The following EXOC6 variants were observed in gnomAD, a reference collection of about 807,000 sequenced individuals.
The protein encoded by EXOC6 is exocyst complex component 6.
In EXOC6, 60 loss-of-function variants were observed where a neutral mutation model predicts 112.5. The observed-to-expected ratio is 0.53, with a 90% CI of 0.43 to 0.66. EXOC6 has a LOEUF of 0.66. EXOC6 is among the 30% of genes least tolerant of loss of function. The pLI, the probability that EXOC6 is intolerant of heterozygous loss-of-function variation, is 0.00. For missense variants in EXOC6, 855 were observed against 957.1 expected, an observed-to-expected ratio of 0.89 and a Z score of 1.41; for synonymous variants, 295 against 308.0, an observed-to-expected ratio of 0.96 and a Z score of 0.44.
intron 1 of EXOC6, among the ~76,000 whole-genome samples, chr10:92,856,217 T>A (rs1365014538): frequency 2.0e-5 from 3 of 151,892 alleles, no homozygotes; most frequent in African/African-American, 7.3e-5. Context: ...ATTACTTTCT[T>A]TCTTCTGCTT....
At chr10:92,873,528 T>G (rs146098979) in intron 1 of EXOC6, among the ~76,000 whole-genome samples, 460 of 152,160 alleles carry the variant, frequency 3.0e-3, no homozygotes, top group African/African-American at 0.01. Context: ...TATAATCCTT[T>G]AAGATATGAA....
At chr10:92,858,851 C>T (rs923552329) in intron 1 of EXOC6, among the ~76,000 whole-genome samples, 3 of 152,092 alleles carry the variant, frequency 2.0e-5, no homozygotes, top group Admixed American at 1.3e-4. Context: ...CTGCAACCTC[C>T]GCTGCCCAGG....
chr10:92,981,526 T>C (rs1842825260), intron 18 of EXOC6, among the ~76,000 whole-genome samples: 1 of 152,254 alleles, frequency 6.6e-6, no homozygotes, highest in African/African-American at 2.4e-5. Context: ...ATATTTATAC[T>C]AACACATGGT....
At chr10:92,914,563 C>T (rs1050078181) in intron 6 of EXOC6, among the ~76,000 whole-genome samples, 1 of 152,110 alleles carries the variant, frequency 6.6e-6, no homozygotes, top group Non-Finnish European at 1.5e-5. Flanking sequence ...TGATTTTATA[C>T]TCTGAGGACA....
chr10:93,006,379 A>G (rs1843983152), intron 19 of EXOC6, among the ~76,000 whole-genome samples: 1 of 152,090 alleles, frequency 6.6e-6, no homozygotes, highest in Non-Finnish European at 1.5e-5. Flanking sequence ...GGATACCTGA[A>G]TTTGTTCCTG....
At chr10:92,872,089 T>C (rs2133727234) in intron 1 of EXOC6, among the ~76,000 whole-genome samples, 1 of 152,230 alleles carries the variant, frequency 6.6e-6, no homozygotes, top group East Asian at 1.9e-4. Flanking sequence ...ATTCTTTTCC[T>C]AGCTTTTTGC....
chr10:92,919,859 G>A (rs1851326941), intron 7 of EXOC6, 123 bp from the exon 8 acceptor site: 3 of 558,478 alleles, frequency 5.4e-6, no homozygotes, highest in Non-Finnish European at 9.1e-6. Flanking sequence ...TTTCTATGGG[G>A]GAATTGAATA....
intron 18 of EXOC6, among the ~76,000 whole-genome samples, chr10:92,981,883 C>T (rs959696064): frequency 6.6e-5 from 10 of 152,052 alleles, no homozygotes; most frequent in Admixed American, 5.9e-4. Flanking sequence ...TTTGGGAGGC[C>T]GAGTTGGGCA....
At chr10:92,926,826 C>T (rs144572198) in intron 8 of EXOC6, among the ~76,000 whole-genome samples, 1 of 152,222 alleles carries the variant, frequency 6.6e-6, no homozygotes, top group East Asian at 1.9e-4. Context: ...AGCTACTGTG[C>T]CCGGCCCCAT....
intron 7 of EXOC6, among the ~76,000 whole-genome samples, chr10:92,916,716 G>A (rs1851112400): frequency 6.6e-6 from 1 of 152,078 alleles, no homozygotes; most frequent in Non-Finnish European, 1.5e-5. Context: ...GACCACCCTG[G>A]TCTGTGCATG....
At chr10:92,982,370 A>C (rs528029000) in intron 18 of EXOC6, among the ~76,000 whole-genome samples, 1 of 148,976 alleles carries the variant, frequency 6.7e-6, no homozygotes, top group South Asian at 2.2e-4. Flanking sequence ...AATTGTGCAC[A>C]CTTCTTTCCA....
chr10:92,860,345 A>G (rs945411447), intron 1 of EXOC6, among the ~76,000 whole-genome samples: 30 of 136,924 alleles, frequency 2.2e-4, no homozygotes, highest in African/African-American at 8.0e-4. Context: ...GATCTCGCTC[A>G]CTGCTGACTC....
chr10:92,857,406 A>G lies in EXOC6; in HGVS notation c.101+8772A>G, dbSNP rs114524346. Among the ~76,000 whole-genome samples the G allele has an allele frequency of 2.1e-3, 320 of 152,132 alleles. 2 individuals are homozygous for G. Among genetic ancestry groups the G allele is most frequent in the African/African-American group, 7.4e-3 (308 of 41,552 alleles). On this transcript the variant is annotated intron_variant, in intron 1 of 21. Coordinates refer to ENST00000260762, the MANE Select transcript of EXOC6 (RefSeq NM_019053.6). ...TGTGTTATTACAATAATACATTACT[A>G]TAATTGTTACTTTTTATAATTTTTT...
At chr10:93,035,881 A>G (rs1845493281) in intron 20 of EXOC6, among the ~76,000 whole-genome samples, 1 of 151,960 alleles carries the variant, frequency 6.6e-6, no homozygotes. Context: ...AAAACACAGG[A>G]AGTAGATATT....
chr10:92,998,649 C>T (rs1165524681), intron 19 of EXOC6, among the ~76,000 whole-genome samples: 3 of 150,990 alleles, frequency 2.0e-5, no homozygotes, highest in African/African-American at 7.3e-5. Flanking sequence ...CACACACACA[C>T]ACACACACAC....
chr10:92,983,245 G>A (rs927675627), intron 18 of EXOC6, among the ~76,000 whole-genome samples: 2 of 152,144 alleles, frequency 1.3e-5, no homozygotes, highest in African/African-American at 2.4e-5. Context: ...TAAATGGTGT[G>A]ATAAGTAGTC....
rs965908926 is a variant in EXOC6 at position 92,867,727 on chromosome 10, A to G, written c.101+19093A>G. 3.9e-5 allele frequency among the ~76,000 whole-genome samples: 6 copies of G among 152,336 alleles called. No homozygotes were observed. The East Asian group carries it at 1.2e-3, about 29-fold the overall frequency. On this transcript the variant is annotated intron_variant, in intron 1 of 21. Transcript: ENST00000260762. ...TGATGTTACAACTGTTTCAAAGGCA[A>G]TGGCAAAAAACAATATAGGATTTGG...
At chr10:92,918,636 C>T (rs1851251963) in intron 7 of EXOC6, among the ~76,000 whole-genome samples, 1 of 152,028 alleles carries the variant, frequency 6.6e-6, no homozygotes, top group Non-Finnish European at 1.5e-5. Context: ...GTTGTCCAGG[C>T]TGGTCTTGAA....
At chr10:92,989,302 A>G (rs1222491204) in intron 18 of EXOC6, among the ~76,000 whole-genome samples, 6 of 152,220 alleles carry the variant, frequency 3.9e-5, no homozygotes, top group Admixed American at 2.0e-4. Flanking sequence ...ATCAATTTCC[A>G]AATTGAAATT....
Sources: allele counts gnomAD v4.1 joint callset (sites outside exome capture counted in the v4.1 genomes callset), GRCh38; gene constraint gnomAD v4.1.1; transcripts MANE v1.5; gene names NCBI Gene and HGNC (gene_info 2026-07-23, HGNC 2026-07-21).